INPP4B: variants seen among roughly 807,000 people sequenced by gnomAD.
INPP4B encodes the protein inositol polyphosphate-4-phosphatase type II B, also known as inositol polyphosphate 4-phosphatase type II.
Under a neutral mutation model 122.5 loss-of-function variants are expected in INPP4B, and 55 were observed. That is an observed-to-expected ratio of 0.45 (90% CI 0.36 to 0.56). INPP4B has a LOEUF of 0.56. INPP4B is among the 20% of genes least tolerant of loss of function. The pLI is 0.00. For missense variants in INPP4B, 1,000 were observed against 1,097.7 expected, an observed-to-expected ratio of 0.91 and a Z score of 1.26; for synonymous variants, 403 against 388.7, an observed-to-expected ratio of 1.04 and a Z score of -0.43.
intron 2 of INPP4B, among the ~76,000 whole-genome samples, chr4:142,505,085 T>C (rs993619396): frequency 1.3e-5 from 2 of 151,872 alleles, no homozygotes; most frequent in Non-Finnish European, 2.9e-5. Flanking sequence ...AATAATTCTT[T>C]TTTAAATTAG....
chr4:142,097,305 A>T (rs1782367923), intron 23 of INPP4B, among the ~76,000 whole-genome samples: 2 of 146,230 alleles, frequency 1.4e-5, no homozygotes, highest in South Asian at 4.3e-4. Flanking sequence ...CCCAGGCTGG[A>T]GTGCAATGGC....
At chr4:142,792,502 A>G (rs1198533682) in intron 1 of INPP4B, among the ~76,000 whole-genome samples, 1 of 152,088 alleles carries the variant, frequency 6.6e-6, no homozygotes, top group Non-Finnish European at 1.5e-5. Flanking sequence ...TTTCCATCAT[A>G]TGAATATATG....
chr4:142,737,653 A>C (rs1008904626), intron 1 of INPP4B, among the ~76,000 whole-genome samples: 1 of 152,232 alleles, frequency 6.6e-6, no homozygotes, highest in Non-Finnish European at 1.5e-5. Context: ...AGCAAAAGAA[A>C]CTACCATCAG....
At chr4:142,258,353 G>A (rs566372935) in intron 11 of INPP4B, among the ~76,000 whole-genome samples, 22 of 151,134 alleles carry the variant, frequency 1.5e-4, no homozygotes, top group African/African-American at 5.1e-4. Context: ...ATTGACAAAT[G>A]GGATCTAATT....
intron 2 of INPP4B, among the ~76,000 whole-genome samples, chr4:142,565,071 C>A (rs898631155): frequency 3.3e-5 from 5 of 150,822 alleles, no homozygotes; most frequent in African/African-American, 5.0e-5. Context: ...GTTCCTCAGT[C>A]TTTCTTTGTG....
chr4:142,511,497 G>A (rs1039593971), intron 2 of INPP4B, among the ~76,000 whole-genome samples: 3 of 152,190 alleles, frequency 2.0e-5, no homozygotes, highest in East Asian at 3.9e-4. Context: ...ATTACAGGTC[G>A]TGAGCTAACA....
chr4:142,226,883 G>C (rs1480863783), intron 12 of INPP4B, among the ~76,000 whole-genome samples: 1 of 152,156 alleles, frequency 6.6e-6, no homozygotes, highest in Non-Finnish European at 1.5e-5. Context: ...TGAACTGTTG[G>C]GTAGGCAGAG....
chr4:142,735,924 AACACACACACACACACAC>A (rs33993491), intron 1 of INPP4B, among the ~76,000 whole-genome samples: 7 of 142,732 alleles, frequency 4.9e-5, no homozygotes, highest in South Asian at 2.4e-4. Context: ...TATACATTGC[AACACACACACACACACAC>A]ACACACACAC....
At chr4:142,186,348 G>T (rs888539110) in intron 15 of INPP4B, among the ~76,000 whole-genome samples, 2 of 152,158 alleles carry the variant, frequency 1.3e-5, no homozygotes, top group Non-Finnish European at 2.9e-5. Flanking sequence ...GTACAGAAAG[G>T]TGTGGTAATC....
chr4:142,597,912 G>C (rs1031887863), intron 2 of INPP4B, among the ~76,000 whole-genome samples: 3 of 152,050 alleles, frequency 2.0e-5, no homozygotes, highest in African/African-American at 7.2e-5. Context: ...CACTATTCTA[G>C]TATAAAAAAC....
At chr4:142,460,609 G>A (rs1816512087) in intron 3 of INPP4B, among the ~76,000 whole-genome samples, 1 of 152,088 alleles carries the variant, frequency 6.6e-6, no homozygotes. Flanking sequence ...GAAAGCAAAT[G>A]GCAAGAGTAG....
chr4:142,259,679 T>C (rs570553693), intron 11 of INPP4B, among the ~76,000 whole-genome samples: 2 of 152,088 alleles, frequency 1.3e-5, no homozygotes, highest in Non-Finnish European at 2.9e-5. Context: ...TTTGACACTT[T>C]TAAAACATTT....
At chr4:142,194,170 T>C (rs914489851) in intron 14 of INPP4B, among the ~76,000 whole-genome samples, 4 of 152,256 alleles carry the variant, frequency 2.6e-5, no homozygotes, top group Admixed American at 2.6e-4. Flanking sequence ...ATAAAAAAAG[T>C]CTTCAAGTGA....
At chr4:142,580,149 C>G (rs895195663) in intron 2 of INPP4B, among the ~76,000 whole-genome samples, 1 of 151,232 alleles carries the variant, frequency 6.6e-6, no homozygotes, top group African/African-American at 2.4e-5. Context: ...CCCAGGAGAG[C>G]ATTGTGGTTA....
At chr4:142,588,255 A>G (rs1736662242) in intron 2 of INPP4B, among the ~76,000 whole-genome samples, 1 of 151,924 alleles carries the variant, frequency 6.6e-6, no homozygotes, top group African/African-American at 2.4e-5. Context: ...AGGCAAGAAT[A>G]TCCTCTTACC....
At chr4:142,172,321 C>A (rs1207821510) in intron 16 of INPP4B, among the ~76,000 whole-genome samples, 3 of 151,890 alleles carry the variant, frequency 2.0e-5, no homozygotes, top group Non-Finnish European at 2.9e-5. Context: ...TTTAAAATTT[C>A]TCTGAGCTTT....
intron 25 of INPP4B, 165 bp from the exon 26 acceptor site, chr4:142,029,079 T>C (rs956164041): frequency 7.2e-7 from 1 of 1,391,264 alleles, no homozygotes; most frequent in African/African-American, 1.5e-5. Flanking sequence ...AATTAAATCC[T>C]AGGCCAGGCC....
At chr4:142,325,266 G>A (rs903311089) in intron 7 of INPP4B, among the ~76,000 whole-genome samples, 4 of 152,028 alleles carry the variant, frequency 2.6e-5, no homozygotes, top group East Asian at 3.9e-4. Flanking sequence ...CCAAACATGC[G>A]GTCAAGGGAT....
chr4:142,394,397 A>G (rs551703518), intron 7 of INPP4B, among the ~76,000 whole-genome samples: 130 of 152,264 alleles, frequency 8.5e-4, no homozygotes, highest in African/African-American at 2.2e-3. Context: ...TGCCCGCCTC[A>G]GCCTCCCAAA....
Sources: allele counts gnomAD v4.1 joint callset (sites outside exome capture counted in the v4.1 genomes callset), GRCh38; gene constraint gnomAD v4.1.1; transcripts MANE v1.5; gene names NCBI Gene and HGNC (gene_info 2026-07-23, HGNC 2026-07-21).